Variants in HPCAL1 observed in about 807,000 individuals in gnomAD.
The protein encoded by HPCAL1 is hippocalcin like 1, also known as hippocalcin-like protein 1.
A neutral mutation model predicts 17.1 loss-of-function variants in HPCAL1; 8 were observed. That is an observed-to-expected ratio of 0.47 (90% CI 0.27 to 0.84). The LOEUF (loss-of-function observed/expected upper bound fraction) is 0.84, where lower values mean the gene tolerates loss of function less well. HPCAL1 is among the 40% of genes least tolerant of loss of function. HPCAL1 has a pLI of 0.13. For synonymous variants in HPCAL1, 112 were observed against 111.4 expected, an observed-to-expected ratio of 1.01 and a Z score of -0.03; for missense variants, 165 against 271.1, an observed-to-expected ratio of 0.61 and a Z score of 2.75.
At chr2:10,372,302 G>A (rs1194861209) in intron 1 of HPCAL1, among the ~76,000 whole-genome samples, 4 of 135,052 alleles carry the variant, frequency 3.0e-5, no homozygotes, top group African/African-American at 9.9e-5. Context: ...AGCCCCATGG[G>A]GGCCCCACTG....
rs1558502111 is a variant in HPCAL1 at position 10,380,651 on chromosome 2, C to T, written c.-110-16184C>T. Among the ~76,000 whole-genome samples, 4 of 152,256 alleles carry T rather than the reference C, an allele frequency of 2.6e-5. No homozygotes were observed. In the East Asian group the frequency reaches 7.7e-4, roughly 29 times the overall value. On this transcript the variant is annotated intron_variant, in intron 1 of 4. Transcript: ENST00000307845. ...TTGCTCCCTACAACCCACCCCTCCC[C>T]ATTTTCTCTTTCTCTCTGCATGACT...
At chr2:10,403,082 C>T (rs1366539137) in intron 2 of HPCAL1, among the ~76,000 whole-genome samples, 4 of 152,032 alleles carry the variant, frequency 2.6e-5, no homozygotes, top group Non-Finnish European at 5.9e-5. Flanking sequence ...AAGCAGGGAC[C>T]TGGCAGAAAT....
intron 1 of HPCAL1, among the ~76,000 whole-genome samples, chr2:10,311,920 C>T (rs1662987206): frequency 6.7e-6 from 1 of 149,746 alleles, no homozygotes; most frequent in Admixed American, 6.7e-5. Flanking sequence ...ATCATCATTC[C>T]ATTCATCACC....
chr2:10,371,341 C>G (rs1290003941), intron 1 of HPCAL1, among the ~76,000 whole-genome samples: 1 of 150,716 alleles, frequency 6.6e-6, no homozygotes, highest in Non-Finnish European at 1.5e-5. Flanking sequence ...TTACCCTCTT[C>G]TGGCTCTCCT....
intron 1 of HPCAL1, among the ~76,000 whole-genome samples, chr2:10,329,856 C>T (rs556926778): frequency 3.3e-5 from 5 of 152,342 alleles, no homozygotes; most frequent in Admixed American, 6.5e-5. Context: ...CACATCAGCT[C>T]GGCCTCAGAT....
rs538216437 is a variant in HPCAL1 at position 10,381,140 on chromosome 2, G to A, written c.-110-15695G>A. Among the ~76,000 whole-genome samples the A allele has an allele frequency of 6.6e-5, 10 of 152,330 alleles. No homozygotes were observed. The South Asian group carries it at 1.9e-3, about 28-fold the overall frequency. Reference sequence around the variant, plus strand: ...GGGGCCCCAGGATGCCTGATGGCCCGGTCTGAGGTGTGCAGGTGCCCCTGA... The same window carrying A: ...GGGGCCCCAGGATGCCTGATGGCCCAGTCTGAGGTGTGCAGGTGCCCCTGA... On this transcript the variant is annotated intron_variant, in intron 1 of 4. Transcript: ENST00000307845.
At position 10,362,811 on chromosome 2, in the gene HPCAL1, G is replaced by GC. The variant is rs1268428683; in HGVS notation, c.-110-34024_-110-34023insC. On this transcript the variant is annotated intron_variant, in intron 1 of 4. Transcript: ENST00000307845. The surrounding 1 kb of genome is among the most constrained non-coding windows in gnomAD (Gnocchi z 5.0). The stretch of plus-strand genomic sequence containing the variant: ...GTAGGAGTGCTGAGTCATGAGATTG[G>GC]GTTGAATGGCGGCTTTAGCACAGCT... 2.0e-5 allele frequency among the ~76,000 whole-genome samples: 3 copies of GC among 152,220 alleles called. No individual in the cohort carries two copies. The highest frequency in any genetic ancestry group is 4.4e-5 in the Non-Finnish European group (3 of 68,044).
rs1195633694 is a variant in HPCAL1, at chr2:10,351,914, T to TC, written c.-110-44921_-110-44920insC. 2.7e-5 allele frequency among the ~76,000 whole-genome samples: 4 copies of TC among 149,562 alleles called. No homozygotes were observed. In the East Asian group the frequency reaches 5.8e-4, roughly 22 times the overall value. ...TTCCTTCCTTCTTTCTTTCTTTCTT[T>TC]TTTTTTTTTTGACGGAGTCTCACTC... On this transcript the variant is annotated intron_variant, in intron 1 of 4. Transcript: ENST00000307845.
chr2:10,376,237 G>C (rs1667550077), intron 1 of HPCAL1, among the ~76,000 whole-genome samples: 1 of 152,120 alleles, frequency 6.6e-6, no homozygotes. Flanking sequence ...CCCAGTCTCA[G>C]GTACTCCTTT....
intron 1 of HPCAL1, among the ~76,000 whole-genome samples, chr2:10,320,230 G>T (rs543715497): frequency 1.1e-4 from 17 of 152,238 alleles, no homozygotes; most frequent in African/African-American, 4.1e-4. Context: ...CACTTGGTTA[G>T]GGCCTCCCCA....
intron 1 of HPCAL1, among the ~76,000 whole-genome samples, chr2:10,381,027 G>T (rs1476657296): frequency 6.6e-6 from 1 of 152,216 alleles, no homozygotes; most frequent in Non-Finnish European, 1.5e-5. Context: ...GGAACCGCTG[G>T]GGATCTTGAT....
chr2:10,357,862 G>A (rs1666265943), intron 1 of HPCAL1, among the ~76,000 whole-genome samples: 1 of 150,142 alleles, frequency 6.7e-6, no homozygotes, highest in African/African-American at 2.4e-5. Context: ...TGCTATGCCA[G>A]AAAGCAGGAG....
rs577840536 is a variant in HPCAL1 at position 10,418,141 on chromosome 2, G to C, written c.-24-1593G>C. ...TACTATAAAACCTGGGATGGGCTGG[G>C]CGTGGTGGCTTATGCCTATACTCCT... On this transcript the variant is annotated intron_variant, in intron 2 of 4. Transcript: ENST00000307845. 5.3e-5 allele frequency among the ~76,000 whole-genome samples: 8 copies of C among 152,246 alleles called. No homozygotes were observed. In the East Asian group the frequency reaches 1.5e-3, roughly 29 times the overall value.
chr2:10,346,170 A>G (rs1291590773), intron 1 of HPCAL1, among the ~76,000 whole-genome samples: 2 of 151,934 alleles, frequency 1.3e-5, no homozygotes, highest in Non-Finnish European at 1.5e-5. Context: ...TCCCAGTAGG[A>G]CACTAGCACA....
chr2:10,336,680 C>T (rs142247813), intron 1 of HPCAL1, among the ~76,000 whole-genome samples: 425 of 152,276 alleles, frequency 2.8e-3, no homozygotes, highest in Non-Finnish European at 5.1e-3. Flanking sequence ...TCAGAGCAGC[C>T]CCATCTGAGA....
chr2:10,332,444 C>A (rs1204317246), intron 1 of HPCAL1, among the ~76,000 whole-genome samples: 2 of 152,184 alleles, frequency 1.3e-5, no homozygotes, highest in Non-Finnish European at 2.9e-5. Context: ...CCCCTCGGTG[C>A]CCCCTGCCCC....
chr2:10,411,517 T>C (rs1440979524), intron 2 of HPCAL1, among the ~76,000 whole-genome samples: 1 of 152,224 alleles, frequency 6.6e-6, no homozygotes, highest in Non-Finnish European at 1.5e-5. Context: ...TGATTCCAAA[T>C]GCCGTTGTCC....
intron 1 of HPCAL1, among the ~76,000 whole-genome samples, chr2:10,353,801 A>G (rs750048560): frequency 6.6e-6 from 1 of 152,098 alleles, no homozygotes; most frequent in Non-Finnish European, 1.5e-5. Flanking sequence ...CTCTTGGACA[A>G]TCTTCCCACC....
rs906542038 is a variant in HPCAL1, at chr2:10,310,092, A to G, written c.-111+6915A>G. On this transcript the variant is annotated intron_variant, in intron 1 of 4. Transcript: ENST00000307845. This position sits in a 1 kb window ranked among gnomAD's most constrained non-coding sequence, Gnocchi z 4.5. ...TCTGAATCTGTTTGCTCAGGTGCAG[A>G]AAGGGGTTTTAGGCTGAGCTCAGAT... is the stretch of plus-strand genomic sequence containing the variant. Among the ~76,000 whole-genome samples, 3 of 152,146 alleles carry G rather than the reference A, an allele frequency of 2.0e-5. No individual in the cohort carries two copies. The highest frequency in any genetic ancestry group is 4.4e-5 in the Non-Finnish European group (3 of 68,022).
Sources: allele counts gnomAD v4.1 joint callset (sites outside exome capture counted in the v4.1 genomes callset), GRCh38; gene constraint gnomAD v4.1.1; non-coding constraint Gnocchi (gnomAD v3.1); transcripts MANE v1.5; gene names NCBI Gene and HGNC (gene_info 2026-07-23, HGNC 2026-07-21).